Variants in DHRSX observed in about 807,000 individuals in gnomAD.
The protein encoded by DHRSX is dehydrogenase/reductase X-linked, also known as polyprenol dehydrogenase.
A neutral mutation model predicts 34.0 loss-of-function variants in DHRSX; 31 were observed. That is an observed-to-expected ratio of 0.91 (90% confidence interval 0.69 to 1.23). DHRSX has a LOEUF of 1.23. DHRSX is among the 50% of genes most tolerant of loss of function. The pLI is 0.00. For missense variants in DHRSX, 414 were observed against 428.1 expected, an observed-to-expected ratio of 0.97 and a Z score of 0.29; for synonymous variants, 201 against 183.8, an observed-to-expected ratio of 1.09 and a Z score of -0.76.
chrX:2,417,098 A>G (rs1188349164), intron 2 of DHRSX, among the ~76,000 whole-genome samples: 1 of 152,202 alleles, frequency 6.6e-6, no homozygotes, highest in African/African-American at 2.4e-5. Flanking sequence ...ACTCACAGTG[A>G]AAATTAAACA....
chrX:2,459,255 T>C (rs2044359929), intron 1 of DHRSX, among the ~76,000 whole-genome samples: 1 of 152,012 alleles, frequency 6.6e-6, no homozygotes, highest in East Asian at 1.9e-4. Context: ...TCTTTCAAAA[T>C]GACTAAAACT....
intron 5 of DHRSX, among the ~76,000 whole-genome samples, chrX:2,266,234 C>A (rs1490270086): frequency 7.2e-6 from 1 of 139,480 alleles, no homozygotes; most frequent in Non-Finnish European, 1.5e-5. Flanking sequence ...CCCAGAGCAC[C>A]GGTGTCCAGC....
rs71309486 is a variant in DHRSX at position 2,348,692 on chromosome X, A to AT, written c.287-57090dup. Among the ~76,000 whole-genome samples the AT allele has an allele frequency of 1.7e-3, 246 of 146,342 alleles. 1 individual carries two copies. The highest frequency in any genetic ancestry group is 0.016 in the East Asian group (81 of 4,962). On this transcript the variant is annotated intron_variant, in intron 3 of 6. Transcript: ENST00000334651. ...AAGCCCTTGTGGGTCTCTTATTTTT[A>AT]TTTTTTTTTTTTTTATTTTGTTTTG...
intron 3 of DHRSX, among the ~76,000 whole-genome samples, chrX:2,297,853 C>G (rs1370233128): frequency 6.6e-6 from 1 of 151,542 alleles, no homozygotes; most frequent in Admixed American, 6.6e-5. Flanking sequence ...TTCCCGAGTT[C>G]AAGTGATCCT....
intron 1 of DHRSX, among the ~76,000 whole-genome samples, chrX:2,441,544 G>A (rs1383931668): frequency 1.3e-5 from 2 of 152,132 alleles, no homozygotes; most frequent in African/African-American, 4.8e-5. Flanking sequence ...AAAATGTGCA[G>A]GGTAGACCAG....
In DHRSX at chrX:2,240,612, T is replaced by TAGAC. The variant is rs779030225; in HGVS notation, c.804+2407_804+2410dup. Among the ~76,000 whole-genome samples, 3 of 151,890 alleles carry TAGAC rather than the reference T, an allele frequency of 2.0e-5. No individual in the cohort carries two copies. The East Asian group carries it at 5.9e-4, about 30-fold the overall frequency. ...AGAGGTGGGAAACTTCAACAAGCAG[T>TAGAC]AGACGCCCAAGGAATTTTGAAAGCT... On this transcript the variant is annotated intron_variant, in intron 6 of 6. Coordinates refer to ENST00000334651, the MANE Select transcript of DHRSX (RefSeq NM_145177.3).
intron 1 of DHRSX, among the ~76,000 whole-genome samples, chrX:2,498,246 C>CT (rs1380378020): frequency 6.6e-6 from 1 of 152,180 alleles, no homozygotes; most frequent in Non-Finnish European, 1.5e-5. Flanking sequence ...TAAGAAAAAA[C>CT]TGCCCTTGCT....
chrX:2,496,234 T>C (rs2045282402), intron 1 of DHRSX, among the ~76,000 whole-genome samples: 1 of 152,236 alleles, frequency 6.6e-6, no homozygotes, highest in South Asian at 2.1e-4. Flanking sequence ...AGTCTCGCCC[T>C]GTTGCCCAGG....
chrX:2,382,262 GGAGGGCA>G (rs1253227265), intron 3 of DHRSX, among the ~76,000 whole-genome samples: 1 of 152,222 alleles, frequency 6.6e-6, no homozygotes, highest in Admixed American at 6.5e-5. Flanking sequence ...AGCTATGGAA[GGAGGGCA>G]GAGTTGAGGG....
chrX:2,243,092 C>A lies in DHRSX; in HGVS notation c.735G>T (p.Thr245=). Residue 245 remains threonine, a synonymous_variant, in exon 6 of 7, where the codon ACG becomes ACT. Coordinates refer to ENST00000334651, the MANE Select transcript of DHRSX (RefSeq NM_145177.3). ...CCCAGAACACGTGCTTGTAGACGTC[C>A]GTGTTGACCACCCCGGGGTCCACCA... ...ANVVDPGVVN[T]DVYKHVFWAT... is the part of the protein sequence containing the mutation. The A allele has an allele frequency of 6.2e-7, 1 of 1,613,892 alleles. No individual in the cohort carries two copies. The highest frequency in any genetic ancestry group is 8.5e-7 in the Non-Finnish European group (1 of 1,179,852).
At chrX:2,268,597 C>G (rs189928118) in intron 4 of DHRSX, among the ~76,000 whole-genome samples, 6 of 152,224 alleles carry the variant, frequency 3.9e-5, no homozygotes, top group African/African-American at 1.4e-4. Context: ...TTTCAAATGC[C>G]TATAAATTTG....
intron 3 of DHRSX, among the ~76,000 whole-genome samples, chrX:2,383,494 T>C (rs1226474641): frequency 6.6e-6 from 1 of 152,028 alleles, no homozygotes; most frequent in Non-Finnish European, 1.5e-5. Flanking sequence ...GTCATCATCA[T>C]TGCCATCATC....
intron 3 of DHRSX, among the ~76,000 whole-genome samples, chrX:2,401,689 C>T (rs2043487871): frequency 6.6e-6 from 1 of 152,150 alleles, no homozygotes; most frequent in Non-Finnish European, 1.5e-5. Context: ...TTTCATGGAG[C>T]CGCTGGGGTT....
intron 3 of DHRSX, among the ~76,000 whole-genome samples, chrX:2,400,281 G>A (rs2043470012): frequency 6.6e-6 from 1 of 152,098 alleles, no homozygotes; most frequent in South Asian, 2.1e-4. Context: ...AGAATTCCAT[G>A]CCATCAACAC....
chrX:2,304,022 CTGATGGAT>C (rs2042057369), intron 3 of DHRSX, among the ~76,000 whole-genome samples: 1 of 43,286 alleles, frequency 2.3e-5, no homozygotes, highest in Non-Finnish European at 4.0e-5. Flanking sequence ...GATGGATGAA[CTGATGGAT>C]GGATGGATGG....
At chrX:2,445,984 C>T (rs1292204557) in intron 1 of DHRSX, among the ~76,000 whole-genome samples, 1 of 149,762 alleles carries the variant, frequency 6.7e-6, no homozygotes, top group Non-Finnish European at 1.5e-5. Flanking sequence ...GCACTGAAGA[C>T]GTTCCCTAAG....
chrX:2,455,180 C>G (rs2044278731), intron 1 of DHRSX, among the ~76,000 whole-genome samples: 2 of 151,276 alleles, frequency 1.3e-5, no homozygotes, highest in Non-Finnish European at 2.9e-5. Context: ...TTATCCTTAG[C>G]AAACTTACAC....
chrX:2,266,890 C>G lies in DHRSX; in HGVS notation c.446G>C (p.Gly149Ala). ...CAGGAAGTGCCCTAGGTAGTTCAGG[C>G]CGAAATGTTCTTCGAATCCATCTCT... ...KTRDGFEEHF[G>A]LNYLGHFLLT... The change falls in exon 5 of 7, where the codon GGC becomes GCC. Residue 149 changes from glycine (G) to alanine (A), a missense_variant. Physicochemically the swap from Gly to Ala is moderately conservative, Grantham distance 60 (BLOSUM62 0). Coordinates refer to ENST00000334651, the MANE Select transcript of DHRSX (RefSeq NM_145177.3). The G allele has an allele frequency of 1.2e-6, 2 of 1,613,946 alleles. No individual in the cohort carries two copies.
At chrX:2,314,822 T>C (rs2042222832) in intron 3 of DHRSX, among the ~76,000 whole-genome samples, 1 of 152,042 alleles carries the variant, frequency 6.6e-6, no homozygotes, top group Non-Finnish European at 1.5e-5. Flanking sequence ...TGTCCTGAAA[T>C]TTACCCGACT....
Sources: allele counts gnomAD v4.1 joint callset (sites outside exome capture counted in the v4.1 genomes callset), GRCh38; gene constraint gnomAD v4.1.1; transcripts MANE v1.5; gene names NCBI Gene and HGNC (gene_info 2026-07-23, HGNC 2026-07-21).